HDAC4: variants seen among roughly 807,000 people sequenced by gnomAD.
The protein encoded by HDAC4 is histone deacetylase A.
Under a neutral mutation model 135.1 loss-of-function variants are expected in HDAC4, and 16 were observed. That is an observed-to-expected ratio of 0.12 (90% confidence interval 0.08 to 0.18). HDAC4 has a LOEUF of 0.18. HDAC4 is among the 10% of genes least tolerant of loss of function. The pLI is 1.00. For synonymous variants in HDAC4, 685 were observed against 653.4 expected (o/e 1.05, Z -0.74); for missense variants, 1,143 against 1,511.8 (o/e 0.76, Z 4.05).
At chr2:239,112,982 G>C (rs1462035955) in intron 13 of HDAC4, among the ~76,000 whole-genome samples, 1 of 152,060 alleles carries the variant, frequency 6.6e-6, no homozygotes, top group African/African-American at 2.4e-5. Context: ...CCCAGCACTT[G>C]GGGAGGCTGA....
At position 239,071,319 on chromosome 2, in the gene HDAC4, G is replaced by A. The variant is rs752292270; in HGVS notation, c.2751-2712C>T. 2.6e-5 allele frequency among the ~76,000 whole-genome samples: 4 copies of A among 152,134 alleles called. No homozygotes were observed. The East Asian group carries it at 7.7e-4, about 29-fold the overall frequency. Reference sequence around the variant, plus strand: ...AATCCCAGCTACTCGGGAGGCTGACGTGAGAGAATCGCTTGAACCCAGGAG... The same window carrying A: ...AATCCCAGCTACTCGGGAGGCTGACATGAGAGAATCGCTTGAACCCAGGAG... On this transcript the variant is annotated intron_variant, in intron 22 of 26. Coordinates refer to ENST00000543185, the MANE Select transcript of HDAC4 (RefSeq NM_001378414.1).
intron 5 of HDAC4, among the ~76,000 whole-genome samples, chr2:239,169,839 G>T (rs2043343814): frequency 6.6e-6 from 1 of 152,188 alleles, no homozygotes; most frequent in Non-Finnish European, 1.5e-5. Context: ...GGCCTCTGCA[G>T]CCATGTCTGG....
At chr2:239,304,321 T>C (rs1036240464) in intron 2 of HDAC4, among the ~76,000 whole-genome samples, 17 of 152,174 alleles carry the variant, frequency 1.1e-4, no homozygotes, top group South Asian at 4.1e-4. Flanking sequence ...TTTTATTACA[T>C]GCTGGGAAGA....
chr2:239,176,059 C>T (rs2043740376), intron 5 of HDAC4, among the ~76,000 whole-genome samples: 2 of 152,102 alleles, frequency 1.3e-5, no homozygotes, highest in South Asian at 4.1e-4. Context: ...CAAGAGTCAC[C>T]ATGGTGAGGC....
At chr2:239,098,311 C>G (rs1295525317) in intron 16 of HDAC4, among the ~76,000 whole-genome samples, 1 of 152,236 alleles carries the variant, frequency 6.6e-6, no homozygotes, top group Non-Finnish European at 1.5e-5. Context: ...AAACGACCAG[C>G]CTTACTACTT....
At chr2:239,345,768 C>T (rs1692590750) in intron 2 of HDAC4, among the ~76,000 whole-genome samples, 1 of 149,420 alleles carries the variant, frequency 6.7e-6, no homozygotes. Context: ...CCCCGTCTCA[C>T]ACACATGCAC....
At position 239,382,787 on chromosome 2, in the gene HDAC4, C is replaced by T. The variant is rs191462672; in HGVS notation, c.-220+18191G>A. 4.6e-5 allele frequency among the ~76,000 whole-genome samples: 7 copies of T among 151,978 alleles called. No homozygotes were observed. In the East Asian group the frequency reaches 5.8e-4, roughly 13 times the overall value. On this transcript the variant is annotated intron_variant, in intron 1 of 26. Transcript: ENST00000543185. ...TTGCCCAGGCTGGAGTGCAATGTTGCGGTCCCGGCTCACTGCAACCTCAGC... is the reference window on the plus strand; with the variant it reads ...TTGCCCAGGCTGGAGTGCAATGTTGTGGTCCCGGCTCACTGCAACCTCAGC...
intron 2 of HDAC4, among the ~76,000 whole-genome samples, chr2:239,334,905 G>C (rs1457585820): frequency 1.3e-5 from 2 of 151,388 alleles, no homozygotes; most frequent in Non-Finnish European, 2.9e-5. Flanking sequence ...TGCACCTGTA[G>C]TCCCAGCTGC....
At chr2:239,252,861 TCTC>T (rs2048857647) in intron 2 of HDAC4, among the ~76,000 whole-genome samples, 1 of 152,212 alleles carries the variant, frequency 6.6e-6, no homozygotes, top group Admixed American at 6.5e-5. Flanking sequence ...CGATCATTTC[TCTC>T]CTCCCTCCCT....
Position 239,349,679 on chromosome 2 carries a change from T to C in HDAC4, c.22+2999A>G, listed in dbSNP as rs1389874880. ...ACCAGCCAGTGTGTGCAGGTGGTGG[T>C]ATGCACGTGTTGGGCACAAGGGGTC... is the stretch of plus-strand genomic sequence containing the variant. On this transcript the variant is annotated intron_variant, in intron 2 of 26. Transcript: ENST00000543185. The surrounding 1 kb of genome is among the most constrained non-coding windows in gnomAD (Gnocchi z 5.7). 6.6e-6 allele frequency among the ~76,000 whole-genome samples: 1 copy of C among 152,140 alleles called. No homozygotes were observed. The highest frequency in any genetic ancestry group is 1.5e-5 in the Non-Finnish European group (1 of 68,020).
chr2:239,260,954 G>A (rs1390862702), intron 2 of HDAC4, among the ~76,000 whole-genome samples: 1 of 152,164 alleles, frequency 6.6e-6, no homozygotes, highest in Non-Finnish European at 1.5e-5. Flanking sequence ...CAAGGCCAGG[G>A]CACTGGGGTG....
intron 24 of HDAC4, among the ~76,000 whole-genome samples, chr2:239,058,024 A>G (rs2032135056): frequency 6.6e-6 from 1 of 152,308 alleles, no homozygotes. Flanking sequence ...AAACAAAACC[A>G]TTCACGGCCC....
intron 2 of HDAC4, among the ~76,000 whole-genome samples, chr2:239,284,190 C>A (rs1453463313): frequency 1.3e-5 from 2 of 152,242 alleles, no homozygotes; most frequent in Non-Finnish European, 2.9e-5. Flanking sequence ...GCAGGACTCT[C>A]CACCAGGACA....
intron 2 of HDAC4, among the ~76,000 whole-genome samples, chr2:239,323,468 A>G (rs2053378194): frequency 6.6e-6 from 1 of 152,164 alleles, no homozygotes. Context: ...GAAGGGGAGT[A>G]TTTTCCCATT....
intron 2 of HDAC4, among the ~76,000 whole-genome samples, chr2:239,289,778 T>A (rs2051356979): frequency 6.6e-6 from 1 of 152,220 alleles, no homozygotes; most frequent in Admixed American, 6.5e-5. Context: ...CGCTGCCTGA[T>A]CCTGCCCAAA....
At chr2:239,063,256 G>A (rs1467593322) in intron 24 of HDAC4, among the ~76,000 whole-genome samples, 2 of 151,866 alleles carry the variant, frequency 1.3e-5, no homozygotes, top group Admixed American at 6.5e-5. Flanking sequence ...GCTGGAGTGT[G>A]GTGGCGCGAT....
chr2:239,358,371 A>G (rs1437519066), intron 1 of HDAC4, among the ~76,000 whole-genome samples: 1 of 152,214 alleles, frequency 6.6e-6, no homozygotes, highest in Non-Finnish European at 1.5e-5. Context: ...ACCAGCTCCT[A>G]GGTTTTTCTG....
At chr2:239,227,845 C>T (rs1426189139) in intron 3 of HDAC4, among the ~76,000 whole-genome samples, 1 of 151,828 alleles carries the variant, frequency 6.6e-6, no homozygotes, top group Non-Finnish European at 1.5e-5. Flanking sequence ...GTCCAGCGGA[C>T]TGCAGGTCCA....
At chr2:239,315,545 C>T (rs1361280803) in intron 2 of HDAC4, among the ~76,000 whole-genome samples, 5 of 152,124 alleles carry the variant, frequency 3.3e-5, no homozygotes, top group Non-Finnish European at 4.4e-5. Context: ...TCAGAGAGCA[C>T]GACAGACACC....
Sources: gnomAD v4.1 joint callset for allele counts (sites outside exome capture counted in the v4.1 genomes callset) on GRCh38, gnomAD v4.1.1 for gene constraint, Gnocchi (gnomAD v3.1) non-coding constraint, MANE v1.5 for transcripts, NCBI Gene and HGNC (gene_info 2026-07-23, HGNC 2026-07-21) for gene names.